Variants in HS1BP3 observed in about 807,000 individuals in gnomAD.
HS1BP3 encodes HCLS1 binding protein 3, also known as HCLS1-binding protein 3.
In HS1BP3, 32 loss-of-function variants were observed where a neutral mutation model predicts 33.5. The observed-to-expected ratio is 0.95, with a 90% CI of 0.72 to 1.28. The LOEUF is 1.28. Ranked by LOEUF, HS1BP3 falls within the 50% of genes most tolerant of loss-of-function variation. The pLI, the probability that HS1BP3 is intolerant of heterozygous loss-of-function variation, is 0.00. For missense variants in HS1BP3, 486 were observed against 502.3 expected (o/e 0.97, Z 0.31); for synonymous variants, 187 against 209.2 (o/e 0.89, Z 0.92).
At chr2:20,588,230 A>C (rs1179043238), downstream of HS1BP3, among the ~76,000 whole-genome samples, 4 of 152,222 alleles carry the variant, frequency 2.6e-5, no homozygotes, top group Non-Finnish European at 5.9e-5. Flanking sequence ...TATATCAAGC[A>C]TGTATTACTT....
At chr2:20,636,412 T>A (rs1695132219) in intron 4 of HS1BP3, 1 of 152,276 alleles carries the variant, frequency 6.6e-6, no homozygotes, top group Non-Finnish European at 1.5e-5. Flanking sequence ...TGATAAAGAC[T>A]GGACTGGAGA....
At chr2:20,597,073 G>T (rs1237301450) in intron 3 of HS1BP3, among the ~76,000 whole-genome samples, 1 of 152,188 alleles carries the variant, frequency 6.6e-6, no homozygotes, top group Non-Finnish European at 1.5e-5. Context: ...GACACAGGCC[G>T]CCACTCCAGG....
At chr2:20,626,133 A>G (rs1694775224) in intron 4 of HS1BP3, among the ~76,000 whole-genome samples, 2 of 152,172 alleles carry the variant, frequency 1.3e-5, no homozygotes, top group African/African-American at 4.8e-5. Context: ...GGCCTACACA[A>G]TGATACAGAT....
At chr2:20,560,287 G>A (rs1350544947), downstream of HS1BP3, among the ~76,000 whole-genome samples, 1 of 152,194 alleles carries the variant, frequency 6.6e-6, no homozygotes, top group Non-Finnish European at 1.5e-5. Flanking sequence ...TTGTGGGTGG[G>A]TAGGTGGCAG....
At chr2:20,561,914 C>T (rs563733290) in intron 5 of HS1BP3, among the ~76,000 whole-genome samples, 49 of 152,246 alleles carry the variant, frequency 3.2e-4, no homozygotes, top group Non-Finnish European at 5.0e-4. Flanking sequence ...CTAACCCTAG[C>T]GCCCAACCTC....
At chr2:20,566,267 G>A (rs571869701) in intron 5 of HS1BP3, among the ~76,000 whole-genome samples, 7 of 152,376 alleles carry the variant, frequency 4.6e-5, no homozygotes, top group Admixed American at 6.5e-5. Context: ...CGCCTGTGCC[G>A]GGGTACAGCT....
Position 20,638,620 on chromosome 2 carries a change from T to C in HS1BP3, c.439A>G (p.Ser147Gly), listed in dbSNP as rs1162724382. ...TRSPGAAGLT[S>G]RDSSVLDGTD... ...CCATCCAGGACAGAGGAATCTCTGC[T>C]GGTGAGCCCTGCAGCCCCTGGGGAT... The change falls in exon 4 of 7, where the codon AGC (serine) becomes GGC (glycine). Residue 147 changes from serine to glycine, a missense_variant. Physicochemically the swap from Ser to Gly is moderately conservative, Grantham distance 56 (BLOSUM62 0). Transcript: ENST00000304031. The C allele has an allele frequency of 1.9e-6, 3 of 1,613,976 alleles. No homozygotes were observed. Among genetic ancestry groups the C allele is most frequent in the African/African-American group, 2.7e-5 (2 of 74,944 alleles).
chr2:20,591,846 G>A (rs1022336129), downstream of HS1BP3, among the ~76,000 whole-genome samples: 1 of 152,158 alleles, frequency 6.6e-6, no homozygotes, highest in Non-Finnish European at 1.5e-5. Context: ...TTACAGGCCC[G>A]AGCCACCGCA....
downstream of HS1BP3, among the ~76,000 whole-genome samples, chr2:20,558,280 G>T (rs1485055568): frequency 1.3e-5 from 2 of 152,154 alleles, no homozygotes; most frequent in African/African-American, 2.4e-5. Context: ...TAATGGAAGG[G>T]GTCGCCAGAT....
At chr2:20,554,691 T>G in the HS1BP3 span, among the ~76,000 whole-genome samples, 1 of 125,850 alleles carries the variant, frequency 7.9e-6, no homozygotes, top group African/African-American at 3.3e-5. Context: ...ACAACAAGAG[T>G]GAAACTCCAC....
At chr2:20,575,988 T>A (rs1423337405) in intron 5 of HS1BP3, among the ~76,000 whole-genome samples, 1 of 152,036 alleles carries the variant, frequency 6.6e-6, no homozygotes. Context: ...TCCATCTTTG[T>A]TTTGTTTTGT....
chr2:20,636,717 G>C (rs1009428806), intron 4 of HS1BP3: 4 of 152,200 alleles, frequency 2.6e-5, no homozygotes, highest in African/African-American at 9.6e-5. Context: ...TGTGTGTCCT[G>C]GGTCATGGCG....
intron 5 of HS1BP3, among the ~76,000 whole-genome samples, chr2:20,566,341 G>C (rs1693127222): frequency 6.6e-6 from 1 of 152,218 alleles, no homozygotes; most frequent in African/African-American, 2.4e-5. Context: ...AACTGCCCAG[G>C]GATCTGTAGT....
chr2:20,583,700 TC>T (rs936586275), intron 5 of HS1BP3, among the ~76,000 whole-genome samples: 34 of 152,030 alleles, frequency 2.2e-4, no homozygotes, highest in African/African-American at 5.6e-4. Context: ...TCCCTGTGAG[TC>T]CCCCAGTAGA....
rs1464661581 is a variant in HS1BP3, at chr2:20,611,013, A to G, written c.179-12748T>C. On this transcript the variant is annotated intron_variant, in intron 2 of 3. Transcript: ENST00000415264. This position sits in a 1 kb window ranked among gnomAD's most constrained non-coding sequence, Gnocchi z 4.9. Reference sequence around the variant, plus strand: ...CATGGGTCTGCTTTCTGTCACTACAATTTTGCCTTTTCTAGGGTTTCATAT... The same window carrying G: ...CATGGGTCTGCTTTCTGTCACTACAGTTTTGCCTTTTCTAGGGTTTCATAT... 1.3e-5 allele frequency among the ~76,000 whole-genome samples: 2 copies of G among 152,032 alleles called. No homozygotes were observed. Among genetic ancestry groups the G allele is most frequent in the Non-Finnish European group, 2.9e-5 (2 of 68,008 alleles).
At chr2:20,603,870 G>T (rs141458027) in intron 2 of HS1BP3, among the ~76,000 whole-genome samples, 2 of 152,178 alleles carry the variant, frequency 1.3e-5, no homozygotes, top group South Asian at 2.1e-4. Flanking sequence ...CGGCTCAGCC[G>T]CTTCCCAGCT....
chr2:20,619,013 C>A lies in HS1BP3; in HGVS notation c.1153G>T (p.Ala385Ser). 1 of 1,614,080 alleles carries A rather than the reference C, an allele frequency of 6.2e-7. No homozygotes were observed. The highest frequency in any genetic ancestry group is 8.5e-7 in the Non-Finnish European group (1 of 1,179,982). The change falls in exon 7 of 7, where the codon GCC becomes TCC. Residue 385 changes from alanine to serine, a missense_variant. Ala to Ser is a moderately conservative substitution (Grantham distance 99). Transcript: ENST00000304031. Reference protein sequence around the residue: ...LQYIQDHDTPAQAAPSLF With the variant: ...LQYIQDHDTPSQAAPSLF ...CAGAAGAGGCTGGGGGCGGCCTGGG[C>A]TGGTGTATCGTGGTCCTGGATGTAC...
At chr2:20,637,020 AGGGGGCTGCCCCCGCCCCCCCCGC>A (rs1695154469) in intron 4 of HS1BP3, 1 of 95,336 alleles carries the variant, frequency 1.0e-5, no homozygotes, top group Admixed American at 1.2e-4. Context: ...AGAGCTGGGG[AGGGGGCTGCCCCCGCCCCCCCCGC>A]CCCGCCAAGG....
intron 4 of HS1BP3, among the ~76,000 whole-genome samples, chr2:20,629,277 C>T (rs1403622551): frequency 6.6e-6 from 1 of 152,132 alleles, no homozygotes; most frequent in South Asian, 2.1e-4. Context: ...GGCTATCACT[C>T]GGGGGCCCCC....
Sources: allele counts gnomAD v4.1 joint callset (sites outside exome capture counted in the v4.1 genomes callset), GRCh38; gene constraint gnomAD v4.1.1; non-coding constraint Gnocchi (gnomAD v3.1); transcripts MANE v1.5; gene names NCBI Gene and HGNC (gene_info 2026-07-23, HGNC 2026-07-21).